The following LIN7A variants were observed in gnomAD, a reference collection of about 807,000 sequenced individuals.
The protein encoded by LIN7A is lin-7 cell polarity scaffold A, also known as protein lin-7 homolog A.
In LIN7A, 25 loss-of-function variants were observed where a neutral mutation model predicts 29.8. The observed-to-expected ratio is 0.84, with a 90% CI of 0.61 to 1.17. LIN7A has a LOEUF of 1.17. Ranked by LOEUF, LIN7A falls within the 50% of genes most tolerant of loss-of-function variation. The pLI is 0.00. For synonymous variants in LIN7A, 118 were observed against 107.5 expected, an observed-to-expected ratio of 1.10 and a Z score of -0.60; for missense variants, 239 against 287.0, an observed-to-expected ratio of 0.83 and a Z score of 1.21.
At chr12:80,816,466 GTTA>G (rs1179077173) in intron 4 of LIN7A, among the ~76,000 whole-genome samples, 3 of 146,630 alleles carry the variant, frequency 2.0e-5, no homozygotes, top group Admixed American at 6.8e-5. Context: ...ATATACATTA[GTTA>G]TTATATACAA....
intron 1 of LIN7A, among the ~76,000 whole-genome samples, chr12:80,934,090 A>C (rs1020092967): frequency 6.6e-6 from 1 of 152,186 alleles, no homozygotes; most frequent in African/African-American, 2.4e-5. Context: ...ACAAAAGCAG[A>C]AACTTTTGTT....
intron 2 of LIN7A, among the ~76,000 whole-genome samples, chr12:80,856,609 A>G (rs1873613618): frequency 1.3e-5 from 2 of 152,142 alleles, no homozygotes; most frequent in Non-Finnish European, 2.9e-5. Context: ...TAGCTCCATT[A>G]CTTTCATTGG....
intron 1 of LIN7A, among the ~76,000 whole-genome samples, chr12:80,903,393 T>C (rs1419616122): frequency 6.6e-6 from 1 of 152,076 alleles, no homozygotes; most frequent in Non-Finnish European, 1.5e-5. Flanking sequence ...TGTCTATTAT[T>C]CCACACTCTA....
intron 1 of LIN7A, among the ~76,000 whole-genome samples, chr12:80,904,033 CT>C (rs1255033539): frequency 6.6e-6 from 1 of 151,924 alleles, no homozygotes; most frequent in Non-Finnish European, 1.5e-5. Context: ...ATCTTTTAAA[CT>C]TTTTTCTATG....
intron 1 of LIN7A, among the ~76,000 whole-genome samples, chr12:80,933,129 T>C (rs1024548308): frequency 1.3e-5 from 2 of 152,228 alleles, no homozygotes; most frequent in African/African-American, 4.8e-5. Flanking sequence ...TGTAGATTTA[T>C]GCATAGTGAC....
intron 1 of LIN7A, among the ~76,000 whole-genome samples, chr12:80,915,002 G>A (rs1465805053): frequency 6.6e-6 from 1 of 151,892 alleles, no homozygotes; most frequent in African/African-American, 2.4e-5. Flanking sequence ...TTGACAAGTG[G>A]AATCTAATTA....
At chr12:80,895,269 AAAC>A (rs569754249) in intron 1 of LIN7A, among the ~76,000 whole-genome samples, 87 of 152,352 alleles carry the variant, frequency 5.7e-4, no homozygotes, top group African/African-American at 2.1e-3. Context: ...GGAACATTAT[AAAC>A]AAAACAAAAA....
chr12:80,902,437 G>A (rs1379333784), intron 1 of LIN7A, among the ~76,000 whole-genome samples: 2 of 149,104 alleles, frequency 1.3e-5, no homozygotes, highest in East Asian at 2.0e-4. Context: ...AGAAATGAAT[G>A]TGTAAATTGC....
At chr12:80,881,810 G>A (rs1875057358) in intron 2 of LIN7A, among the ~76,000 whole-genome samples, 1 of 152,076 alleles carries the variant, frequency 6.6e-6, no homozygotes, top group Admixed American at 6.6e-5. Flanking sequence ...GAGCCCATTT[G>A]TAATAGTTGG....
chr12:80,920,382 G>T (rs1877240423), intron 1 of LIN7A, among the ~76,000 whole-genome samples: 1 of 152,128 alleles, frequency 6.6e-6, no homozygotes, highest in Admixed American at 6.5e-5. Flanking sequence ...GGTAAAATTG[G>T]TAGCAATAAT....
intron 2 of LIN7A, among the ~76,000 whole-genome samples, chr12:80,859,642 A>C (rs1873767274): frequency 6.6e-6 from 1 of 152,162 alleles, no homozygotes; most frequent in Admixed American, 6.5e-5. Context: ...AAAAAAATTA[A>C]ATAACTCACA....
chr12:80,907,055 CTGTG>C (rs529376132), intron 1 of LIN7A, among the ~76,000 whole-genome samples: 1,521 of 145,366 alleles, frequency 0.01, 16 homozygotes, highest in African/African-American at 0.029. Context: ...AGTGCGTGCT[CTGTG>C]TGTGTGTGTG....
chr12:80,885,893 A>G (rs536413735), intron 2 of LIN7A, among the ~76,000 whole-genome samples: 16 of 152,262 alleles, frequency 1.1e-4, no homozygotes, highest in African/African-American at 3.6e-4. Context: ...TTATTTCAAC[A>G]TATAATAATA....
intron 3 of LIN7A, among the ~76,000 whole-genome samples, 192 bp from the exon 4 acceptor site, chr12:80,846,131 C>A (rs2121548954): frequency 6.6e-6 from 1 of 152,256 alleles, no homozygotes; most frequent in Non-Finnish European, 1.5e-5. Context: ...TTGGTAAAGT[C>A]CCACTCATCT....
In LIN7A at chr12:80,937,729, C is replaced by G; in HGVS notation, c.-7G>C. ...TGACGCTCGGCTTCAGCATCAGCAA[C>G]CGCTCGTAGTGAGAAAAAAAGGAGG... On this transcript the variant is annotated 5_prime_UTR_variant, in exon 1 of 6. Coordinates refer to ENST00000552864, the MANE Select transcript of LIN7A (RefSeq NM_004664.4). 6.6e-7 allele frequency: 1 copy of G among 1,505,732 alleles called. No individual in the cohort carries two copies. Among genetic ancestry groups the G allele is most frequent in the Non-Finnish European group, 9.0e-7 (1 of 1,117,140 alleles). The allele number at this position is 1,505,732 out of a possible 1,614,324, so 93.3% of individuals were successfully genotyped here. A position where few individuals can be genotyped will look rare whatever the true frequency, so the allele number is the denominator to read the frequency against.
rs914643216 is a variant in LIN7A, at chr12:80,829,864, C to T, written c.483+15866G>A. The stretch of plus-strand genomic sequence containing the variant: ...GTTTCTCTCACTAAATATTAACTTA[C>T]ATCCACATCTGGTGGCCCTGCCTTT... On this transcript the variant is annotated intron_variant, in intron 4 of 5. Coordinates refer to ENST00000552864, the MANE Select transcript of LIN7A (RefSeq NM_004664.4). 2.4e-4 allele frequency among the ~76,000 whole-genome samples: 37 copies of T among 152,234 alleles called. 1 individual carries two copies. Among genetic ancestry groups the T allele is most frequent in the African/African-American group, 8.0e-4 (33 of 41,456 alleles).
At chr12:80,875,651 G>A (rs1414068711) in intron 2 of LIN7A, among the ~76,000 whole-genome samples, 1 of 152,128 alleles carries the variant, frequency 6.6e-6, no homozygotes, top group Admixed American at 6.5e-5. Flanking sequence ...CAAGATTTAT[G>A]AAAATCAAAG....
intron 2 of LIN7A, among the ~76,000 whole-genome samples, chr12:80,875,274 A>G (rs1003874356): frequency 5.3e-5 from 8 of 152,154 alleles, no homozygotes; most frequent in African/African-American, 1.9e-4. Context: ...TTTTAATAAA[A>G]ATATTTGCAC....
intron 1 of LIN7A, among the ~76,000 whole-genome samples, chr12:80,930,078 T>C (rs976380973): frequency 1.3e-5 from 2 of 152,216 alleles, no homozygotes; most frequent in African/African-American, 2.4e-5. Context: ...AAACAAAAGA[T>C]GTTATATTGA....
Sources: gnomAD v4.1 joint callset for allele counts (sites outside exome capture counted in the v4.1 genomes callset) on GRCh38, gnomAD v4.1.1 for gene constraint, MANE v1.5 for transcripts, NCBI Gene and HGNC (gene_info 2026-07-23, HGNC 2026-07-21) for gene names.